HM13: variants seen among roughly 807,000 people sequenced by gnomAD.
The protein encoded by HM13 is histocompatibility minor 13, also known as signal peptide peptidase.
In HM13, 18 loss-of-function variants were observed where a neutral mutation model predicts 50.0. That is an observed-to-expected ratio of 0.36 (90% CI 0.25 to 0.53). The LOEUF (loss-of-function observed/expected upper bound fraction) is 0.53. HM13 is among the 20% of genes least tolerant of loss of function. The pLI is 0.90. For synonymous variants in HM13, 197 were observed against 232.6 expected (o/e 0.85, Z 1.39); for missense variants, 393 against 552.4 (o/e 0.71, Z 2.89).
intron 7 of HM13, among the ~76,000 whole-genome samples, chr20:31,552,665 T>G (rs1803061216): frequency 6.6e-6 from 1 of 152,138 alleles, no homozygotes; most frequent in Admixed American, 6.5e-5. Flanking sequence ...CGTGTGGCCT[T>G]GGGGAGAAGA....
At chr20:31,525,327 C>T (rs565724068) in intron 1 of HM13, among the ~76,000 whole-genome samples, 1 of 152,190 alleles carries the variant, frequency 6.6e-6, no homozygotes, top group Non-Finnish European at 1.5e-5. Context: ...ACTAGGGCCT[C>T]TCTGAGCCAG....
At chr20:31,557,382 C>T (rs761633283) in intron 8 of HM13, among the ~76,000 whole-genome samples, 2 of 152,226 alleles carry the variant, frequency 1.3e-5, no homozygotes, top group Non-Finnish European at 2.9e-5. Context: ...CATATCTGTC[C>T]TTTCCCCACC....
intron 1 of HM13, among the ~76,000 whole-genome samples, chr20:31,518,803 A>AGTGGT (rs1331910143): frequency 6.6e-6 from 1 of 152,066 alleles, no homozygotes; most frequent in Non-Finnish European, 1.5e-5. Context: ...GGCTGCAGTG[A>AGTGGT]GCCCTGATTG....
intron 9 of HM13, among the ~76,000 whole-genome samples, 165 bp from the exon 10 acceptor site, chr20:31,561,469 A>G (rs1600668163): frequency 1.3e-5 from 2 of 152,326 alleles, no homozygotes; most frequent in South Asian, 4.1e-4. Context: ...AGAGACACAT[A>G]GCTGGGGGCA....
chr20:31,547,946 T>C (rs981721418), intron 4 of HM13: 2 of 1,412,792 alleles, frequency 1.4e-6, no homozygotes, highest in Non-Finnish European at 2.0e-6. Flanking sequence ...GTTGGGGTCA[T>C]GAAGATGTCT....
intron 1 of HM13, among the ~76,000 whole-genome samples, chr20:31,521,430 T>C (rs570083577): frequency 6.6e-6 from 1 of 152,158 alleles, no homozygotes; most frequent in East Asian, 1.9e-4. Context: ...AAAGAGCTAT[T>C]AAAAGTACCT....
intron 10 of HM13, 104 bp downstream of exon 10, chr20:31,561,840 C>T: frequency 1.3e-6 from 1 of 787,212 alleles, no homozygotes; most frequent in Non-Finnish European, 2.2e-6. Flanking sequence ...TAGGCACTCC[C>T]CACTGGTGTT....
At chr20:31,567,905 T>C (rs1436999908) in intron 11 of HM13, 173 bp from the exon 12 acceptor site, 1 of 617,860 alleles carries the variant, frequency 1.6e-6, no homozygotes, top group Non-Finnish European at 2.8e-6. Context: ...GGTGCATCTT[T>C]CTTTTTTCAT....
intron 7 of HM13, among the ~76,000 whole-genome samples, chr20:31,553,293 C>T (rs1156478372): frequency 1.3e-5 from 1 of 77,696 alleles, no homozygotes; most frequent in Non-Finnish European, 3.3e-5. Flanking sequence ...GAGACTCCAT[C>T]TCAAAAAAAA....
At chr20:31,566,484 G>A (rs1984923033) in intron 11 of HM13, among the ~76,000 whole-genome samples, 189 bp downstream of exon 11, 1 of 152,030 alleles carries the variant, frequency 6.6e-6, no homozygotes, top group African/African-American at 2.4e-5. Context: ...CTTACCCTGG[G>A]CCAGGAGCCA....
chr20:31,560,135 A>G (rs1305278042), intron 9 of HM13, among the ~76,000 whole-genome samples: 1 of 152,094 alleles, frequency 6.6e-6, no homozygotes, highest in Non-Finnish European at 1.5e-5. Context: ...TTACTCAGAC[A>G]TTTTTCAGTC....
At chr20:31,547,563 A>G in intron 4 of HM13, 1 of 1,112,328 alleles carries the variant, frequency 9.0e-7, no homozygotes. Context: ...TGAAAACGTC[A>G]GTTATTAAGG....
chr20:31,514,504 C>T lies in HM13; in HGVS notation c.-48C>T, dbSNP rs778624904. On this transcript the variant is annotated 5_prime_UTR_variant, in exon 1 of 13. Transcript: ENST00000398174. The surrounding 1 kb of genome is among the most constrained non-coding windows in gnomAD (Gnocchi z 4.3). ...AGAGCCGGTGTCTCCGCCTGCGTCC[C>T]TGCTGCAGCAACCGGAGCTGGAGTC... 7 of 1,572,606 alleles carry T rather than the reference C, an allele frequency of 4.5e-6. No homozygotes were observed. The highest frequency in any genetic ancestry group is 6.0e-6 in the Non-Finnish European group (7 of 1,160,360).
intron 7 of HM13, among the ~76,000 whole-genome samples, chr20:31,553,775 T>C (rs914432609): frequency 2.6e-5 from 4 of 152,072 alleles, no homozygotes; most frequent in African/African-American, 9.7e-5. Context: ...AGTGAGGGGC[T>C]TTAAGGAAGC....
chr20:31,568,467 G>A (rs923996272), intron 12 of HM13, among the ~76,000 whole-genome samples: 27 of 152,228 alleles, frequency 1.8e-4, no homozygotes, highest in Admixed American at 1.4e-3. Flanking sequence ...GATGGAAATG[G>A]CCCTTGTCAT....
Position 31,514,544 on chromosome 20 carries a change from C to T in HM13, c.-8C>T. 1.2e-6 allele frequency: 2 copies of T among 1,603,246 alleles called. No homozygotes were observed. The highest frequency in any genetic ancestry group is 1.7e-6 in the Non-Finnish European group (2 of 1,176,922). ...GAGCTGGAGTCGGATCCCGAACGCA[C>T]CCTCGCCATGGACTCGGCCCTCAGC... On this transcript the variant is annotated 5_prime_UTR_variant, in exon 1 of 13. Coordinates refer to ENST00000398174, the MANE Select transcript of HM13 (RefSeq NM_178581.3). This position sits in a 1 kb window ranked among gnomAD's most constrained non-coding sequence, Gnocchi z 4.3.
At chr20:31,525,620 G>A (rs1453722395) in intron 1 of HM13, among the ~76,000 whole-genome samples, 1 of 152,138 alleles carries the variant, frequency 6.6e-6, no homozygotes, top group East Asian at 1.9e-4. Flanking sequence ...TCCCAGCGGG[G>A]AAATCTGGAA....
Position 31,514,621 on chromosome 20 carries a change from C to T in HM13, c.70C>T (p.Arg24Trp), listed in dbSNP as rs757729524. The change falls in exon 1 of 13, where the codon CGG (arginine) becomes TGG (tryptophan). Residue 24 changes from arginine to tryptophan, a missense_variant. By Grantham distance (101) the Arg-to-Trp change is moderately radical (BLOSUM62 -3). This residue lies in a region of HM13 where 214 missense variants were observed against 276.1 expected (regional missense o/e 0.77). Coordinates refer to ENST00000398174, the MANE Select transcript of HM13 (RefSeq NM_178581.3). The surrounding 1 kb of genome is among the most constrained non-coding windows in gnomAD (Gnocchi z 4.3). Reference sequence around the variant, plus strand: ...AGGCGGCCCCACCAACAGCACTACGCGGCCGCCTTCCACGCCCGAGGGCAT... The same window carrying T: ...AGGCGGCCCCACCAACAGCACTACGTGGCCGCCTTCCACGCCCGAGGGCAT... The part of the protein sequence containing the change: ...EAGGPTNSTT[R>W]PPSTPEGIAL... 4 of 1,591,138 alleles carry T rather than the reference C, an allele frequency of 2.5e-6. No individual in the cohort carries two copies. In the African/African-American group the frequency reaches 4.0e-5, roughly 16 times the overall value.
At chr20:31,556,036 C>CTT (rs561024148) in intron 8 of HM13, among the ~76,000 whole-genome samples, 202 of 137,988 alleles carry the variant, frequency 1.5e-3, no homozygotes, top group African/African-American at 3.9e-3. Context: ...ATTATTTCTC[C>CTT]TTTTTTTTTT....
Sources: allele counts gnomAD v4.1 joint callset (sites outside exome capture counted in the v4.1 genomes callset), GRCh38; gene constraint gnomAD v4.1.1; regional missense constraint gnomAD v4.1.1; non-coding constraint Gnocchi (gnomAD v3.1); transcripts MANE v1.5; gene names NCBI Gene and HGNC (gene_info 2026-07-23, HGNC 2026-07-21).